The following TENM4 variants were observed in gnomAD, a reference collection of about 807,000 sequenced individuals.
TENM4 encodes the protein teneurin-4.
Under a neutral mutation model 243.3 loss-of-function variants are expected in TENM4, and 82 were observed. The observed-to-expected ratio is 0.34, with a 90% CI of 0.28 to 0.40. The LOEUF (loss-of-function observed/expected upper bound fraction) is 0.40. TENM4 is among the 10% of genes least tolerant of loss of function. The pLI is 1.00. For missense variants in TENM4, 3,138 were observed against 3,673.3 expected (o/e 0.85, Z 3.77); for synonymous variants, 1,412 against 1,456.3 (o/e 0.97, Z 0.69).
In TENM4 at chr11:78,672,430, T is replaced by C. The variant is rs1049445780; in HGVS notation, c.5497-101A>G. ...TCAGCTCTGCTGGGAAGCTCTTGAG[T>C]AGAGGAGGGAGCACAGTCCTGCGCA... On this transcript the variant is annotated intron_variant, in intron 30 of 33. Coordinates refer to ENST00000278550, the MANE Select transcript of TENM4 (RefSeq NM_001098816.3). 7.0e-6 allele frequency: 9 copies of C among 1,283,190 alleles called. No homozygotes were observed. The Admixed American group carries it at 1.6e-4, about 23-fold the overall frequency. 79.5% of individuals were successfully genotyped at this position (1,283,190 alleles called of 1,614,324 possible). A position where few individuals can be genotyped will look rare whatever the true frequency, so the allele number is the denominator to read the frequency against.
intron 1 of TENM4, among the ~76,000 whole-genome samples, chr11:79,363,958 T>C (rs931334767): frequency 2.0e-5 from 3 of 152,220 alleles, no homozygotes; most frequent in South Asian, 2.1e-4. Flanking sequence ...GAAAGAATTT[T>C]TTCTGGGTCT....
intron 3 of TENM4, among the ~76,000 whole-genome samples, chr11:79,175,644 T>A (rs1052366298): frequency 2.0e-5 from 3 of 152,236 alleles, no homozygotes; most frequent in African/African-American, 7.2e-5. Context: ...AACTTGTGTG[T>A]ATATTTACAG....
chr11:79,192,634 C>T (rs372389328), intron 3 of TENM4, among the ~76,000 whole-genome samples: 2 of 152,046 alleles, frequency 1.3e-5, no homozygotes, highest in East Asian at 1.9e-4. Context: ...AACACTCTGC[C>T]TAGGAAAACC....
intron 20 of TENM4, among the ~76,000 whole-genome samples, chr11:78,733,564 G>A (rs976385855): frequency 6.6e-6 from 1 of 152,196 alleles, no homozygotes; most frequent in African/African-American, 2.4e-5. Flanking sequence ...GTTTGGTGCT[G>A]GCATCTTAAC....
intron 13 of TENM4, 23 bp from the exon 14 acceptor site, chr11:78,812,339 T>C: frequency 6.5e-7 from 1 of 1,546,440 alleles, no homozygotes; most frequent in African/African-American, 1.4e-5. Context: ...CACCGGAGTC[T>C]GGCATGAATC....
At chr11:79,328,743 A>G (rs4945341) in intron 1 of TENM4, among the ~76,000 whole-genome samples, 54,862 of 151,858 alleles carry the variant, frequency 0.36, 9,993 homozygotes, top group Middle Eastern at 0.45. Flanking sequence ...GAAATATAAC[A>G]TTTACTGAAC....
intron 4 of TENM4, among the ~76,000 whole-genome samples, chr11:79,082,654 C>T (rs1860705589): frequency 1.3e-5 from 2 of 152,100 alleles, no homozygotes; most frequent in Non-Finnish European, 2.9e-5. Context: ...CTGTGAGATG[C>T]AGTGATTGCA....
chr11:78,989,088 A>T (rs1857982635), intron 6 of TENM4, among the ~76,000 whole-genome samples: 1 of 152,240 alleles, frequency 6.6e-6, no homozygotes, highest in Non-Finnish European at 1.5e-5. Context: ...ATAGGCCTGA[A>T]TAATGTCAAA....
At chr11:78,768,631 C>T (rs11821938) in intron 18 of TENM4, among the ~76,000 whole-genome samples, 9,182 of 152,276 alleles carry the variant, frequency 0.06, 900 homozygotes, top group African/African-American at 0.21. Context: ...GAATAAACTA[C>T]GTGCAAGCTC....
rs1432192511 is a variant in TENM4, at chr11:79,064,649, C to A, written c.493+89G>T. ...CAATTTTTCACCAACTTCACCAGAG[C>A]CCCGGCAGTGGAGCAGGAAATCAAT... is the stretch of plus-strand genomic sequence containing the variant. On this transcript the variant is annotated intron_variant, in intron 6 of 33. Coordinates refer to ENST00000278550, the MANE Select transcript of TENM4 (RefSeq NM_001098816.3). 2.0e-6 allele frequency: 3 copies of A among 1,498,204 alleles called. No homozygotes were observed. In the East Asian group the frequency reaches 7.4e-5, roughly 37 times the overall value. The allele number at this position is 1,498,204 out of a possible 1,614,324, so 92.8% of individuals were successfully genotyped here.
At chr11:78,902,014 A>T (rs1183335364) in intron 7 of TENM4, among the ~76,000 whole-genome samples, 1 of 152,212 alleles carries the variant, frequency 6.6e-6, no homozygotes, top group Admixed American at 6.5e-5. Context: ...CACTTTTCAC[A>T]TGCAGGTTAA....
chr11:79,235,708 C>T (rs1012920784), intron 2 of TENM4, among the ~76,000 whole-genome samples: 10 of 151,626 alleles, frequency 6.6e-5, no homozygotes, highest in Non-Finnish European at 7.4e-5. Flanking sequence ...TATACAAGTG[C>T]ATAAATGTAT....
chr11:79,300,317 T>C (rs1368799232), intron 1 of TENM4, among the ~76,000 whole-genome samples: 1 of 152,192 alleles, frequency 6.6e-6, no homozygotes, highest in African/African-American at 2.4e-5. Context: ...GATCATACCA[T>C]ACAAGCTAAT....
chr11:79,189,445 G>A (rs937320036), intron 3 of TENM4, among the ~76,000 whole-genome samples: 5 of 152,206 alleles, frequency 3.3e-5, no homozygotes, highest in Non-Finnish European at 5.9e-5. Context: ...AGTAGGGACT[G>A]TGTCCTGTTC....
Position 78,658,867 on chromosome 11 carries a change from C to G in TENM4, c.7552-51G>C, listed in dbSNP as rs1245844429. 4 of 1,555,932 alleles carry G rather than the reference C, an allele frequency of 2.6e-6. No homozygotes were observed. In the East Asian group the frequency reaches 9.1e-5, roughly 35 times the overall value. On this transcript the variant is annotated intron_variant, in intron 33 of 33. Transcript: ENST00000278550. ...AGAGTAAGACAAAGGGGAAAAAACC[C>G]TGAGAACCTGGAGAATCAGCTTAAA... is the stretch of plus-strand genomic sequence containing the variant.
Position 79,070,008 on chromosome 11 carries a change from G to T in TENM4, c.-64C>A. On this transcript the variant is annotated splice_region_variant and 5_prime_UTR_variant, in exon 5 of 34. Transcript: ENST00000278550. ...TCCTCGCCGCACTCAGGGCCGAGTG[G>T]TCTAGAGCCAGGGAAACCAAAGATA... is the stretch of plus-strand genomic sequence containing the variant. The T allele has an allele frequency of 6.6e-7, 1 of 1,508,086 alleles. No homozygotes were observed. Among genetic ancestry groups the T allele is most frequent in the Non-Finnish European group, 8.8e-7 (1 of 1,130,760 alleles). 93.4% of individuals were successfully genotyped at this position (1,508,086 alleles called of 1,614,324 possible). A position where few individuals can be genotyped will look rare whatever the true frequency, so the allele number is the denominator to read the frequency against.
chr11:78,756,806 C>T lies in TENM4; in HGVS notation c.2755G>A (p.Gly919Arg). Reference protein sequence around the residue: ...IIPGENPFDGGHACVIRGQVM... With the variant: ...IIPGENPFDGRHACVIRGQVM... ...TGGAGCTGGGGCCCTCGGACTCACC[C>T]TCCATCAAAGGGGTTCTCCCCGGGG... Residue 919 changes from glycine (G) to arginine (R), a missense_variant and splice_region_variant, in exon 19 of 34, where the codon GGG becomes AGG. Physicochemically the swap from Gly to Arg is moderately radical, Grantham distance 125 (BLOSUM62 -2). Around this residue, in one of 2 missense-constraint regions of TENM4, gnomAD observed 2,467 missense variants for 3,059.1 expected, o/e 0.81. Transcript: ENST00000278550. 6.2e-7 allele frequency: 1 copy of T among 1,612,648 alleles called. No homozygotes were observed. The highest frequency in any genetic ancestry group is 8.5e-7 in the Non-Finnish European group (1 of 1,179,422).
intron 11 of TENM4, 64 bp from the exon 12 acceptor site, chr11:78,854,378 G>A (rs140771997): frequency 0.022 from 30,547 of 1,393,210 alleles, 372 homozygotes; most frequent in Middle Eastern, 0.033. Flanking sequence ...CGTCCTTCCC[G>A]GGGCTTCTCC....
chr11:79,005,738 T>C (rs980460362), intron 6 of TENM4, among the ~76,000 whole-genome samples: 3 of 152,148 alleles, frequency 2.0e-5, no homozygotes, highest in Non-Finnish European at 4.4e-5. Flanking sequence ...CTTGAAGTCC[T>C]AGCCAAAGCA....
Sources: gnomAD v4.1 joint callset for allele counts (sites outside exome capture counted in the v4.1 genomes callset) on GRCh38, gnomAD v4.1.1 for gene constraint, gnomAD v4.1.1 regional missense constraint, MANE v1.5 for transcripts, NCBI Gene and HGNC (gene_info 2026-07-23, HGNC 2026-07-21) for gene names.